The following ANKRD11 variants were observed in gnomAD, a reference collection of about 807,000 sequenced individuals.
The protein encoded by ANKRD11 is ankyrin repeat domain 11, also known as ankyrin repeat domain-containing protein 11.
In ANKRD11, 17 loss-of-function variants were observed where a neutral mutation model predicts 195.7. The observed-to-expected ratio is 0.09, with a 90% CI of 0.06 to 0.13. The LOEUF (loss-of-function observed/expected upper bound fraction) is 0.13. ANKRD11 is among the 10% of genes least tolerant of loss of function. The pLI, the probability that ANKRD11 is intolerant of heterozygous loss-of-function variation, is 1.00. For missense variants in ANKRD11, 3,735 were observed against 3,566.1 expected (o/e 1.05, Z -1.21); for synonymous variants, 1,953 against 1,528.1 (o/e 1.28, Z -6.49).
In ANKRD11 at chr16:89,290,855, G is replaced by T. The variant is rs767195205; in HGVS notation, c.398-27C>A. The T allele has an allele frequency of 1.9e-6, 3 of 1,612,210 alleles. No homozygotes were observed. The Admixed American group carries it at 5.0e-5, about 27-fold the overall frequency. The stretch of plus-strand genomic sequence containing the variant: ...TGCAGGCCAAGGAGGGGACAGATGG[G>T]CATTACTGTGGGGTGGTCCTGCTTT... On this transcript the variant is annotated intron_variant, in intron 5 of 12. Coordinates refer to ENST00000301030, the MANE Select transcript of ANKRD11 (RefSeq NM_013275.6).
Position 89,282,763 on chromosome 16 carries a change from G to C in ANKRD11, c.3779C>G (p.Ser1260Trp). The C allele has an allele frequency of 6.2e-7, 1 of 1,612,680 alleles. No homozygotes were observed. Among genetic ancestry groups the C allele is most frequent in the South Asian group, 1.1e-5 (1 of 91,034 alleles). ...CCTCTCCTTGGAATGTTCTTTGTCCGACTTCTCTTTGTGTTTGCTTTTAGC... is the reference window on the plus strand; with the variant it reads ...CCTCTCCTTGGAATGTTCTTTGTCCCACTTCTCTTTGTGTTTGCTTTTAGC... ...DKAKSKHKEK[S>W]DKEHSKERKS... The change falls in exon 9 of 13, where the codon TCG becomes TGG. Residue 1260 changes from serine (S) to tryptophan (W), a missense_variant. Ser to Trp is a radical substitution (Grantham distance 177). Transcript: ENST00000301030.
At chr16:89,438,263 C>CA (rs2043299259) in intron 1 of ANKRD11, among the ~76,000 whole-genome samples, 4 of 152,120 alleles carry the variant, frequency 2.6e-5, no homozygotes, top group South Asian at 2.1e-4. Flanking sequence ...ATGCAAAGGG[C>CA]AAAAGTACAA....
chr16:89,416,983 T>C (rs566391692), intron 2 of ANKRD11, among the ~76,000 whole-genome samples: 94 of 152,088 alleles, frequency 6.2e-4, no homozygotes, highest in African/African-American at 2.2e-3. Context: ...TCTTGAAAAA[T>C]GTCTCACCTG....
intron 7 of ANKRD11, chr16:89,287,854 C>T (rs1052254821): frequency 3.0e-5 from 8 of 269,364 alleles, no homozygotes; most frequent in African/African-American, 1.5e-4. Flanking sequence ...CAGAGGAGCA[C>T]GACGGGCACC....
At chr16:89,345,601 C>T (rs2038903680) in intron 2 of ANKRD11, among the ~76,000 whole-genome samples, 1 of 152,126 alleles carries the variant, frequency 6.6e-6, no homozygotes, top group African/African-American at 2.4e-5. Flanking sequence ...TTTGTTACAG[C>T]GGCATAAACA....
chr16:89,460,593 TG>T (rs1251779273), intron 1 of ANKRD11, among the ~76,000 whole-genome samples: 1 of 152,050 alleles, frequency 6.6e-6, no homozygotes, highest in Non-Finnish European at 1.5e-5. Context: ...AATTTGACAC[TG>T]GGCACAGCAG....
At chr16:89,348,986 G>A (rs2039070093) in intron 2 of ANKRD11, among the ~76,000 whole-genome samples, 2 of 151,124 alleles carry the variant, frequency 1.3e-5, no homozygotes, top group African/African-American at 2.4e-5. Flanking sequence ...AAACTAGCCA[G>A]GAGTAGTAGA....
At chr16:89,418,255 A>C (rs1246134448) in intron 2 of ANKRD11, 29 bp downstream of exon 2, 6 of 452,346 alleles carry the variant, frequency 1.3e-5, no homozygotes, top group Non-Finnish European at 2.7e-5. Context: ...CAAAAACATA[A>C]ATTGATAGAG....
At chr16:89,386,415 A>C (rs2040912965) in intron 2 of ANKRD11, among the ~76,000 whole-genome samples, 1 of 152,134 alleles carries the variant, frequency 6.6e-6, no homozygotes, top group Non-Finnish European at 1.5e-5. Context: ...TTACCCAAGG[A>C]GACGCCAGAA....
intron 2 of ANKRD11, among the ~76,000 whole-genome samples, chr16:89,335,273 G>A (rs891866148): frequency 6.6e-6 from 1 of 152,142 alleles, no homozygotes; most frequent in Non-Finnish European, 1.5e-5. Flanking sequence ...TCCCAGAAGA[G>A]GCCAGTGCAC....
chr16:89,370,587 T>A (rs988927835), intron 2 of ANKRD11: 8 of 152,552 alleles, frequency 5.2e-5, no homozygotes, highest in African/African-American at 1.7e-4. Flanking sequence ...TCCAGGCAGC[T>A]CAGCGTCACC....
At chr16:89,368,391 T>G (rs901438741) in intron 2 of ANKRD11, among the ~76,000 whole-genome samples, 4,183 of 139,226 alleles carry the variant, frequency 0.03, 178 homozygotes, top group African/African-American at 0.077. Context: ...TTTTTTTTTT[T>G]TTTTTTTTTT....
intron 1 of ANKRD11, among the ~76,000 whole-genome samples, chr16:89,467,486 C>T (rs539100225): frequency 1.1e-3 from 164 of 152,218 alleles, no homozygotes; most frequent in Middle Eastern, 6.8e-3. Flanking sequence ...CCTCAGCCTC[C>T]CAAGTAGCTG....
chr16:89,420,619 G>A (rs2042473071), intron 1 of ANKRD11, among the ~76,000 whole-genome samples: 1 of 152,208 alleles, frequency 6.6e-6, no homozygotes. Context: ...TGGTCTGAAG[G>A]TCTTTTCTTT....
chr16:89,303,321 C>T (rs187537313), intron 4 of ANKRD11, among the ~76,000 whole-genome samples: 16 of 152,334 alleles, frequency 1.1e-4, no homozygotes, highest in East Asian at 5.8e-4. Flanking sequence ...GGACCAAAGA[C>T]GGCAAACACA....
At position 89,285,128 on chromosome 16, in the gene ANKRD11, G is replaced by A. The variant is rs748844010; in HGVS notation, c.1414C>T (p.Arg472Trp). Residue 472 changes from arginine to tryptophan, a missense_variant, in exon 9 of 13, where the codon CGG becomes TGG. Coordinates refer to ENST00000301030, the MANE Select transcript of ANKRD11 (RefSeq NM_013275.6). This position sits in a 1 kb window ranked among gnomAD's most constrained non-coding sequence, Gnocchi z 5.6. ...TKGREVRFGKRSDKFCSSESE... is the reference protein window; with the variant it reads ...TKGREVRFGKWSDKFCSSESE... ...TCCGAGGAGCAGAACTTGTCGCTCCGCTTTCCGAAGCGAACCTCTCTGCCT... is the reference window on the plus strand; with the variant it reads ...TCCGAGGAGCAGAACTTGTCGCTCCACTTTCCGAAGCGAACCTCTCTGCCT... The A allele has an allele frequency of 2.5e-5, 41 of 1,613,456 alleles. No homozygotes were observed. The highest frequency in any genetic ancestry group is 4.5e-5 in the East Asian group (2 of 44,894).
At chr16:89,397,506 C>T (rs1567748392) in intron 2 of ANKRD11, among the ~76,000 whole-genome samples, 1 of 152,220 alleles carries the variant, frequency 6.6e-6, no homozygotes, top group South Asian at 2.1e-4. Flanking sequence ...TGCTGCTATC[C>T]GCGCTCCTTT....
At chr16:89,310,119 G>C (rs2036528509) in intron 3 of ANKRD11, among the ~76,000 whole-genome samples, 1 of 152,256 alleles carries the variant, frequency 6.6e-6, no homozygotes, top group Non-Finnish European at 1.5e-5. Flanking sequence ...TGAGAGTCGT[G>C]TTGTCCACTG....
chr16:89,397,877 G>T (rs2041514919), intron 2 of ANKRD11, among the ~76,000 whole-genome samples: 1 of 152,196 alleles, frequency 6.6e-6, no homozygotes, highest in African/African-American at 2.4e-5. Context: ...CTTCGTCCTG[G>T]GCATGGGACT....
Sources: allele counts gnomAD v4.1 joint callset (sites outside exome capture counted in the v4.1 genomes callset), GRCh38; gene constraint gnomAD v4.1.1; non-coding constraint Gnocchi (gnomAD v3.1); transcripts MANE v1.5; gene names NCBI Gene and HGNC (gene_info 2026-07-23, HGNC 2026-07-21).